FBXW11: variants seen among roughly 807,000 people sequenced by gnomAD.
FBXW11 encodes the protein F-box and WD repeat domain containing 11, also known as F-box/WD repeat-containing protein 11.
FBXW11 carries 19 observed loss-of-function variants against 77.6 expected under a neutral mutation model. The observed-to-expected ratio is 0.24, with a 90% CI of 0.17 to 0.36. The LOEUF (loss-of-function observed/expected upper bound fraction) is 0.36, where lower values mean the gene tolerates loss of function less well. FBXW11 is among the 10% of genes least tolerant of loss of function. The probability of loss-of-function intolerance (pLI) is 1.00; values close to 1 mark genes in which losing one functional copy is unlikely to be tolerated. For synonymous variants in FBXW11, 235 were observed against 249.4 expected, an observed-to-expected ratio of 0.94 and a Z score of 0.54; for missense variants, 334 against 704.2, an observed-to-expected ratio of 0.47 and a Z score of 5.95.
In FBXW11 at chr5:171,953,118, T is replaced by C. The variant is rs370390733; in HGVS notation, c.147+4479A>G. Among the ~76,000 whole-genome samples the C allele has an allele frequency of 5.3e-5, 8 of 152,128 alleles. No homozygotes were observed. The East Asian group carries it at 1.5e-3, about 29-fold the overall frequency. On this transcript the variant is annotated intron_variant, in intron 2 of 13. Transcript: ENST00000517395. ...CAGAGTAGCTAGGACTACAGGCACA[T>C]GCCACCATGTCCACCTAATTTTTTA...
At position 171,870,728 on chromosome 5, in the gene FBXW11, T is replaced by G; in HGVS notation, c.1451+20A>C. ...CTTGATACAGTTATAGCAGTACATC[T>G]GAAAATCTGAAAGACATACCCATCA... On this transcript the variant is annotated intron_variant, in intron 11 of 13. Coordinates refer to ENST00000517395, the MANE Select transcript of FBXW11 (RefSeq NM_001378974.1). 6.5e-7 allele frequency: 1 copy of G among 1,546,476 alleles called. No individual in the cohort carries two copies. Among genetic ancestry groups the G allele is most frequent in the Non-Finnish European group, 8.9e-7 (1 of 1,118,724 alleles).
intron 2 of FBXW11, among the ~76,000 whole-genome samples, chr5:171,922,944 A>C (rs1038261192): frequency 6.6e-6 from 1 of 152,008 alleles, no homozygotes; most frequent in Admixed American, 6.6e-5. Context: ...TGACAGAGTC[A>C]TGCTCTGCTG....
chr5:171,968,314 C>T (rs990045071), intron 1 of FBXW11, among the ~76,000 whole-genome samples: 3 of 151,922 alleles, frequency 2.0e-5, no homozygotes, highest in South Asian at 2.1e-4. Flanking sequence ...AAAAATTAGC[C>T]GGGCACAGTG....
chr5:171,881,356 A>C (rs1386797226), intron 7 of FBXW11, among the ~76,000 whole-genome samples: 1 of 152,140 alleles, frequency 6.6e-6, no homozygotes, highest in Non-Finnish European at 1.5e-5. Flanking sequence ...CTTTTTGTAG[A>C]TACTCTTTAT....
intron 5 of FBXW11, among the ~76,000 whole-genome samples, chr5:171,899,471 G>C (rs1759969286): frequency 6.6e-6 from 1 of 152,100 alleles, no homozygotes; most frequent in African/African-American, 2.4e-5. Context: ...TGCTAACTGG[G>C]CCATACAGCA....
chr5:171,976,464 G>A (rs1363881614), intron 1 of FBXW11, among the ~76,000 whole-genome samples: 1 of 152,118 alleles, frequency 6.6e-6, no homozygotes, highest in Non-Finnish European at 1.5e-5. Context: ...ATGCTGTTAT[G>A]GATTGCATAT....
intron 2 of FBXW11, among the ~76,000 whole-genome samples, chr5:171,924,333 T>C (rs1457454685): frequency 6.6e-6 from 1 of 152,140 alleles, no homozygotes; most frequent in African/African-American, 2.4e-5. Flanking sequence ...GCCAGCTCTT[T>C]CCCAATTGTT....
At chr5:171,990,682 G>C (rs1765687591) in intron 1 of FBXW11, among the ~76,000 whole-genome samples, 1 of 151,990 alleles carries the variant, frequency 6.6e-6, no homozygotes, top group South Asian at 2.1e-4. Context: ...AGCTCTTTGG[G>C]AACTGATATG....
rs140746536 is a variant in FBXW11, at chr5:171,876,868, C to G, written c.972-334G>C. Among the ~76,000 whole-genome samples, 18 of 152,322 alleles carry G rather than the reference C, an allele frequency of 1.2e-4. No individual in the cohort carries two copies. The highest frequency in any genetic ancestry group is 2.2e-4 in the Non-Finnish European group (15 of 68,028). On this transcript the variant is annotated intron_variant, in intron 8 of 13. Coordinates refer to ENST00000517395, the MANE Select transcript of FBXW11 (RefSeq NM_001378974.1). The surrounding 1 kb of genome is among the most constrained non-coding windows in gnomAD (Gnocchi z 4.2). ...CACATGTGATCTGCACATGCTGGCTCCCCTTTGCCTTCTGCCATGAGTAGA... is the reference window on the plus strand; with the variant it reads ...CACATGTGATCTGCACATGCTGGCTGCCCTTTGCCTTCTGCCATGAGTAGA...
At chr5:172,002,858 C>T (rs1413719765) in intron 1 of FBXW11, among the ~76,000 whole-genome samples, 1 of 151,652 alleles carries the variant, frequency 6.6e-6, no homozygotes, top group Non-Finnish European at 1.5e-5. Flanking sequence ...ACCACTATGC[C>T]TGGCTAATTT....
chr5:171,908,645 G>A (rs1278635839), intron 4 of FBXW11: 2 of 152,212 alleles, frequency 1.3e-5, no homozygotes, highest in African/African-American at 4.8e-5. Context: ...GAACGGCAGT[G>A]TCAAATTTTT....
At chr5:171,997,463 G>A (rs967064445) in intron 1 of FBXW11, among the ~76,000 whole-genome samples, 4 of 152,188 alleles carry the variant, frequency 2.6e-5, no homozygotes, top group African/African-American at 7.2e-5. Context: ...ATACGAGAGG[G>A]CTCAAATATC....
intron 6 of FBXW11, among the ~76,000 whole-genome samples, chr5:171,893,260 A>G (rs997242927): frequency 6.6e-6 from 1 of 151,822 alleles, no homozygotes; most frequent in African/African-American, 2.4e-5. Context: ...GCAGGATGGT[A>G]TATTTCCAAT....
At chr5:171,935,286 A>G (rs1263172402) in intron 2 of FBXW11, among the ~76,000 whole-genome samples, 2 of 152,128 alleles carry the variant, frequency 1.3e-5, no homozygotes, top group South Asian at 4.2e-4. Context: ...TGGTGATACA[A>G]ATGTTCTAAA....
At chr5:171,917,906 A>C (rs745554027) in intron 2 of FBXW11, among the ~76,000 whole-genome samples, 3 of 152,028 alleles carry the variant, frequency 2.0e-5, no homozygotes, top group Non-Finnish European at 4.4e-5. Flanking sequence ...ATTATTTTAA[A>C]ATTAGGTTAA....
chr5:171,950,269 A>G (rs961452493), intron 2 of FBXW11, among the ~76,000 whole-genome samples: 3 of 152,140 alleles, frequency 2.0e-5, no homozygotes, highest in Non-Finnish European at 4.4e-5. Context: ...CTTGGAATAT[A>G]AATGGGTCTA....
intron 2 of FBXW11, among the ~76,000 whole-genome samples, chr5:171,918,054 C>T (rs1383846419): frequency 9.2e-5 from 14 of 152,032 alleles, no homozygotes. Context: ...CTTCCTCTCT[C>T]TTCACCAAAT....
At chr5:171,991,264 G>A (rs1765721005) in intron 1 of FBXW11, among the ~76,000 whole-genome samples, 1 of 152,130 alleles carries the variant, frequency 6.6e-6, no homozygotes, top group Non-Finnish European at 1.5e-5. Flanking sequence ...TGGAGTCGCA[G>A]GAGGCCTAGG....
intron 2 of FBXW11, among the ~76,000 whole-genome samples, chr5:171,926,563 G>C (rs992849738): frequency 6.6e-6 from 1 of 152,160 alleles, no homozygotes; most frequent in Non-Finnish European, 1.5e-5. Flanking sequence ...TTTAAAAGTA[G>C]CACCTCACCA....
Sources: allele counts gnomAD v4.1 joint callset (sites outside exome capture counted in the v4.1 genomes callset), GRCh38; gene constraint gnomAD v4.1.1; non-coding constraint Gnocchi (gnomAD v3.1); transcripts MANE v1.5; gene names NCBI Gene and HGNC (gene_info 2026-07-23, HGNC 2026-07-21).